The following ANK2 variants were observed in gnomAD, a reference collection of about 807,000 sequenced individuals.
ANK2 encodes the protein ankyrin-2.
ANK2 carries 83 observed loss-of-function variants against 360.5 expected under a neutral mutation model. The observed-to-expected ratio is 0.23, with a 90% CI of 0.19 to 0.28. The LOEUF (loss-of-function observed/expected upper bound fraction) is 0.28, where lower values mean the gene tolerates loss of function less well. Among genes scored for constraint, ANK2 ranks in the 10% least tolerant of loss-of-function variants. ANK2 has a pLI of 1.00. For synonymous variants in ANK2, 1,740 were observed against 1,759.5 expected (o/e 0.99, Z 0.28); for missense variants, 4,201 against 4,795.7 (o/e 0.88, Z 3.66).
At chr4:112,730,878 G>C in the ANK2 span, among the ~76,000 whole-genome samples, 1 of 151,280 alleles carries the variant, frequency 6.6e-6, no homozygotes, top group African/African-American at 2.4e-5. Context: ...CGGTGGCTAC[G>C]CCTGTAGTCC....
At chr4:112,838,636 GGTGA>G (rs1452484442) in intron 1 of ANK2, among the ~76,000 whole-genome samples, 2 of 152,240 alleles carry the variant, frequency 1.3e-5, no homozygotes, top group East Asian at 3.8e-4. Context: ...GGGAGGCCAA[GGTGA>G]GTGGATCACC....
At chr4:113,293,295 T>A (rs1427576352) in intron 21 of ANK2, 145 bp from the exon 22 acceptor site, 1 of 752,774 alleles carries the variant, frequency 1.3e-6, no homozygotes, top group South Asian at 1.5e-5. Flanking sequence ...GATTTAGACG[T>A]AATGGTAAAA....
chr4:113,253,286 G>A (rs2047458213), intron 10 of ANK2, among the ~76,000 whole-genome samples: 2 of 152,076 alleles, frequency 1.3e-5, no homozygotes, highest in South Asian at 4.1e-4. Flanking sequence ...TCATCTCTCA[G>A]GTCTCTGAAT....
chr4:113,034,619 A>T (rs980846078), intron 2 of ANK2: 1 of 152,010 alleles, frequency 6.6e-6, no homozygotes, highest in Admixed American at 6.6e-5. Flanking sequence ...GCAGGTGCAT[A>T]ATAATGTTTG....
chr4:113,236,140 G>GT (rs559436369), intron 5 of ANK2, among the ~76,000 whole-genome samples: 70 of 139,966 alleles, frequency 5.0e-4, no homozygotes, highest in South Asian at 1.1e-3. Context: ...GATTAAGGAT[G>GT]TTTTTTTTTT....
At chr4:113,248,317 G>A (rs1002750984) in intron 9 of ANK2, among the ~76,000 whole-genome samples, 14 of 151,914 alleles carry the variant, frequency 9.2e-5, no homozygotes, top group African/African-American at 3.4e-4. Flanking sequence ...AGTAACAGCG[G>A]GACTCAATAC....
chr4:112,878,014 C>T (rs1278303200), intron 1 of ANK2, among the ~76,000 whole-genome samples: 1 of 152,142 alleles, frequency 6.6e-6, no homozygotes, highest in African/African-American at 2.4e-5. Flanking sequence ...TCTCAGGGTC[C>T]TGACTATCTT....
chr4:113,057,653 A>G (rs1218398943), intron 1 of ANK2, among the ~76,000 whole-genome samples: 1 of 152,086 alleles, frequency 6.6e-6, no homozygotes, highest in African/African-American at 2.4e-5. Context: ...TTTGCCCCAT[A>G]TCTCTGTTTA....
At chr4:113,332,353 A>T (rs1331988028) in intron 28 of ANK2, among the ~76,000 whole-genome samples, 5 of 152,168 alleles carry the variant, frequency 3.3e-5, no homozygotes, top group Non-Finnish European at 7.3e-5. Flanking sequence ...TGATGTTGTT[A>T]TGATGAATTT....
At chr4:113,206,639 C>T (rs2098952938) in intron 4 of ANK2, among the ~76,000 whole-genome samples, 1 of 142,932 alleles carries the variant, frequency 7.0e-6, no homozygotes, top group Non-Finnish European at 1.5e-5. Context: ...TTTGCAGGGG[C>T]ATCTGTGCTC....
rs895720784 is a variant in ANK2, at chr4:113,360,803, C to T, written c.10682-20C>T. The T allele has an allele frequency of 2.5e-6, 4 of 1,609,596 alleles. No homozygotes were observed. Among genetic ancestry groups the T allele is most frequent in the Middle Eastern group, 1.6e-4 (1 of 6,064 alleles). ...CTGTCATAGACAACCTTTGGCCATT[C>T]TGTTTTTGACCTTCTCCAGATCCAC... On this transcript the variant is annotated intron_variant, in intron 38 of 45. Coordinates refer to ENST00000357077, the MANE Select transcript of ANK2 (RefSeq NM_001148.6).
chr4:113,329,668 T>C (rs2153912827), intron 26 of ANK2, among the ~76,000 whole-genome samples: 1 of 152,312 alleles, frequency 6.6e-6, no homozygotes, highest in South Asian at 2.1e-4. Context: ...AAAAAGTACA[T>C]TTTAACCAGC....
intron 1 of ANK2, among the ~76,000 whole-genome samples, chr4:112,900,360 T>A (rs1427849770): frequency 6.6e-6 from 1 of 152,210 alleles, no homozygotes; most frequent in Non-Finnish European, 1.5e-5. Context: ...CTGCCTTTTT[T>A]TCTCAATTGG....
chr4:113,150,189 T>C (rs926421252), intron 1 of ANK2, among the ~76,000 whole-genome samples: 2 of 152,116 alleles, frequency 1.3e-5, no homozygotes, highest in African/African-American at 2.4e-5. Flanking sequence ...CACAGGCTAA[T>C]TAAGCAGCTG....
the ANK2 span, among the ~76,000 whole-genome samples, chr4:112,812,833 T>C: frequency 6.6e-6 from 1 of 152,218 alleles, no homozygotes; most frequent in African/African-American, 2.4e-5. Context: ...TGCTTTCTGC[T>C]ATAAGACAAT....
intron 2 of ANK2, among the ~76,000 whole-genome samples, chr4:112,986,410 A>G (rs2044884067): frequency 6.6e-6 from 1 of 152,218 alleles, no homozygotes; most frequent in Non-Finnish European, 1.5e-5. Context: ...AAACTGGCAA[A>G]TTGTAAAAGC....
At chr4:113,147,241 C>T (rs1270678774) in intron 1 of ANK2, among the ~76,000 whole-genome samples, 3 of 152,142 alleles carry the variant, frequency 2.0e-5, no homozygotes, top group African/African-American at 4.8e-5. Context: ...ACCGCACAGG[C>T]GAGGTTTGTA....
chr4:113,004,425 C>T (rs1430356121), intron 2 of ANK2, among the ~76,000 whole-genome samples: 2 of 151,778 alleles, frequency 1.3e-5, no homozygotes, highest in Non-Finnish European at 2.9e-5. Flanking sequence ...CACAAACACC[C>T]ACAGTAGCCT....
chr4:113,250,026 AT>A lies in ANK2; in HGVS notation c.990+165del, dbSNP rs200252382. On this transcript the variant is annotated intron_variant, in intron 10 of 45. Transcript: ENST00000357077. ...TATCAAACCACTTAAAATTATTAAAATAAACAGATATATGAATTAAGATGTA... is the reference window on the plus strand; with the variant it reads ...TATCAAACCACTTAAAATTATTAAAAAAACAGATATATGAATTAAGATGTA... 6.6e-3 allele frequency among the ~76,000 whole-genome samples: 1,009 copies of A among 152,382 alleles called. 7 individuals are homozygous for A. Among genetic ancestry groups the A allele is most frequent in the African/African-American group, 9.3e-3 (387 of 41,594 alleles).
Sources: gnomAD v4.1 joint callset for allele counts (sites outside exome capture counted in the v4.1 genomes callset) on GRCh38, gnomAD v4.1.1 for gene constraint, MANE v1.5 for transcripts, NCBI Gene and HGNC (gene_info 2026-07-23, HGNC 2026-07-21) for gene names.